The following PIK3CD variants were observed in gnomAD, a reference collection of about 807,000 sequenced individuals.
PIK3CD encodes phosphatidylinositol 4,5-bisphosphate 3-kinase catalytic subunit delta isoform.
Under a neutral mutation model 122.9 loss-of-function variants are expected in PIK3CD, and 20 were observed. The ratio of observed to expected loss-of-function variants is 0.16; its 90% CI spans 0.11 to 0.24. The LOEUF (loss-of-function observed/expected upper bound fraction) is 0.24, where lower values mean the gene tolerates loss of function less well. Ranked by LOEUF, PIK3CD falls within the 10% of genes least tolerant of loss-of-function variation. The pLI is 1.00. For missense variants in PIK3CD, 787 were observed against 1,406.3 expected, an observed-to-expected ratio of 0.56 and a Z score of 7.04; for synonymous variants, 596 against 593.4, an observed-to-expected ratio of 1.00 and a Z score of -0.06.
chr1:9,644,679 G>T, the PIK3CD span, among the ~76,000 whole-genome samples: 5 of 152,064 alleles, frequency 3.3e-5, no homozygotes, highest in African/African-American at 1.2e-4. Context: ...GTGTGCCTTG[G>T]AGGAAGCTAC....
chr1:9,713,409 G>C (rs990497311), intron 3 of PIK3CD, among the ~76,000 whole-genome samples: 3 of 151,964 alleles, frequency 2.0e-5, no homozygotes, highest in Non-Finnish European at 4.4e-5. Flanking sequence ...GTAGAAAAAG[G>C]AAAAAAATTA....
At position 9,720,775 on chromosome 1, in the gene PIK3CD, G is replaced by A; in HGVS notation, c.1555G>A (p.Gly519Arg). 1 of 1,612,810 alleles carries A rather than the reference G, an allele frequency of 6.2e-7. No individual in the cohort carries two copies. The highest frequency in any genetic ancestry group is 1.1e-5 in the South Asian group (1 of 91,032). Residue 519 changes from glycine (G) to arginine (R), a missense_variant, in exon 13 of 24, where the codon GGG becomes AGG. Gly to Arg is a moderately radical substitution (Grantham distance 125). Coordinates refer to ENST00000377346, the MANE Select transcript of PIK3CD (RefSeq NM_005026.5). The surrounding 1 kb of genome is among the most constrained non-coding windows in gnomAD (Gnocchi z 9.0). The stretch of plus-strand genomic sequence containing the variant: ...GCTGCGGGAAATCCTGGAGCGGCGG[G>A]GGTCTGGGGAGCTGTATGAGCACGA... ...LQLREILERR[G>R]SGELYEHEKD...
At chr1:9,628,953 C>A in the PIK3CD span, among the ~76,000 whole-genome samples, 7 of 150,318 alleles carry the variant, frequency 4.7e-5, no homozygotes, top group African/African-American at 1.7e-4. Flanking sequence ...CAGAAGCCCC[C>A]GTTTGCCGTC....
chr1:9,695,238 T>C (rs935214762), intron 2 of PIK3CD, among the ~76,000 whole-genome samples: 2 of 150,394 alleles, frequency 1.3e-5, no homozygotes, highest in African/African-American at 2.4e-5. Flanking sequence ...GGAAAGAAAA[T>C]ATAGAAAAAT....
chr1:9,667,748 T>G (rs986381041), intron 1 of PIK3CD, among the ~76,000 whole-genome samples: 7 of 150,814 alleles, frequency 4.6e-5, no homozygotes, highest in Middle Eastern at 3.4e-3. Context: ...TCTTTTTTTT[T>G]TTTTTTGAGA....
intron 1 of PIK3CD, among the ~76,000 whole-genome samples, chr1:9,690,965 C>G (rs966866346): frequency 1.3e-5 from 2 of 152,086 alleles, no homozygotes; most frequent in Non-Finnish European, 2.9e-5. Context: ...ACCACAGATG[C>G]AAGGAGTGGG....
chr1:9,703,961 G>A (rs1428553548), intron 2 of PIK3CD, among the ~76,000 whole-genome samples: 1 of 152,204 alleles, frequency 6.6e-6, no homozygotes, highest in Non-Finnish European at 1.5e-5. Flanking sequence ...CAAAGCAGTT[G>A]TACTGGTTTG....
chr1:9,660,617 C>A (rs1283525905), intron 1 of PIK3CD, among the ~76,000 whole-genome samples: 3 of 152,106 alleles, frequency 2.0e-5, no homozygotes, highest in African/African-American at 7.2e-5. Context: ...TGCCCAGATC[C>A]ACCGGGAAAA....
chr1:9,725,435 C>T (rs1649376465), intron 23 of PIK3CD, among the ~76,000 whole-genome samples: 1 of 151,940 alleles, frequency 6.6e-6, no homozygotes, highest in Non-Finnish European at 1.5e-5. Flanking sequence ...TTCCTGTAAT[C>T]CCAGCTACTT....
In PIK3CD at chr1:9,720,214, A is replaced by G. The variant is rs1344295424; in HGVS notation, c.1442A>G (p.His481Arg). 1.9e-6 allele frequency: 3 copies of G among 1,609,676 alleles called. No individual in the cohort carries two copies. The highest frequency in any genetic ancestry group is 1.7e-5 in the Admixed American group (1 of 59,916). Reference protein sequence around the residue: ...LLICLPEVAPHPVYYPALEKI... With the variant: ...LLICLPEVAPRPVYYPALEKI... ...ATCTGCCTGCCCGAGGTGGCCCCGC[A>G]CCCCGTGTACTACCCCGCCCTGGAG... The change falls in exon 11 of 24, where the codon CAC becomes CGC. Residue 481 changes from histidine to arginine, a missense_variant. By Grantham distance (29) the His-to-Arg change is conservative. This residue lies in a region of PIK3CD where 592 missense variants were observed against 920.6 expected (regional missense o/e 0.64). Transcript: ENST00000377346. This position sits in a 1 kb window ranked among gnomAD's most constrained non-coding sequence, Gnocchi z 9.0.
chr1:9,726,819 T>C (rs1447299765), intron 23 of PIK3CD, 90 bp from the exon 24 acceptor site: 10 of 1,520,538 alleles, frequency 6.6e-6, no homozygotes, highest in South Asian at 2.3e-5. Context: ...AACCATTTCA[T>C]TCAGTGACTC....
chr1:9,697,693 AT>A (rs1000292516), intron 2 of PIK3CD, among the ~76,000 whole-genome samples: 1 of 150,948 alleles, frequency 6.6e-6, no homozygotes, highest in African/African-American at 2.4e-5. Context: ...TGATCACGCC[AT>A]TGCACTGTAG....
intron 1 of PIK3CD, among the ~76,000 whole-genome samples, chr1:9,658,385 CAAAAAAA>C (rs58808659): frequency 2.5e-5 from 2 of 81,624 alleles, no homozygotes; most frequent in Non-Finnish European, 5.2e-5. Context: ...GACCCTGTCT[CAAAAAAA>C]AAAAAAAAAA....
chr1:9,700,977 C>T lies in PIK3CD; in HGVS notation c.-33+9406C>T, dbSNP rs1243765694. Among the ~76,000 whole-genome samples, 1 of 152,098 alleles carries T rather than the reference C, an allele frequency of 6.6e-6. No individual in the cohort carries two copies. Among genetic ancestry groups the T allele is most frequent in the African/African-American group, 2.4e-5 (1 of 41,402 alleles). The stretch of plus-strand genomic sequence containing the variant: ...GGTCAAGCCACTGTCATTAGTGGCA[C>T]CGGCCTCCTTCCCCTGCCCCCTACT... On this transcript the variant is annotated intron_variant, in intron 2 of 23. Transcript: ENST00000377346. The surrounding 1 kb of genome is among the most constrained non-coding windows in gnomAD (Gnocchi z 5.1).
At chr1:9,721,370 C>A (rs1648622739) in intron 14 of PIK3CD, 74 bp from the exon 15 acceptor site, 1 of 1,608,732 alleles carries the variant, frequency 6.2e-7, no homozygotes, top group Non-Finnish European at 8.5e-7. Flanking sequence ...CCTGGCCTCC[C>A]TCTGGCTGCC....
chr1:9,643,967 G>A, the PIK3CD span, among the ~76,000 whole-genome samples: 2 of 152,192 alleles, frequency 1.3e-5, no homozygotes, highest in South Asian at 4.1e-4. Flanking sequence ...GGGCATGGAG[G>A]CAGTGTCTGG....
intron 23 of PIK3CD, among the ~76,000 whole-genome samples, chr1:9,726,687 C>T (rs887653677): frequency 2.6e-5 from 4 of 152,044 alleles, no homozygotes; most frequent in African/African-American, 7.2e-5. Context: ...GCCATTTCTC[C>T]AGTAGGGGAG....
At chr1:9,684,922 G>C (rs1203346183) in intron 1 of PIK3CD, among the ~76,000 whole-genome samples, 2 of 147,996 alleles carry the variant, frequency 1.4e-5, no homozygotes, top group Non-Finnish European at 3.0e-5. Context: ...TTCTCTCTCT[G>C]CTTATATCCC....
the PIK3CD span, among the ~76,000 whole-genome samples, chr1:9,633,935 C>T: frequency 6.6e-6 from 1 of 151,960 alleles, no homozygotes; most frequent in African/African-American, 2.4e-5. Flanking sequence ...TGGCTCTTTC[C>T]AGATATTCCC....
Sources: gnomAD v4.1 joint callset for allele counts (sites outside exome capture counted in the v4.1 genomes callset) on GRCh38, gnomAD v4.1.1 for gene constraint, gnomAD v4.1.1 regional missense constraint, Gnocchi (gnomAD v3.1) non-coding constraint, MANE v1.5 for transcripts, NCBI Gene and HGNC (gene_info 2026-07-23, HGNC 2026-07-21) for gene names.